The following UNC13A variants were observed in gnomAD, a reference collection of about 807,000 sequenced individuals.
UNC13A encodes the protein protein unc-13 homolog A.
Under a neutral mutation model 219.7 loss-of-function variants are expected in UNC13A, and 61 were observed. The observed-to-expected ratio is 0.28, with a 90% CI of 0.23 to 0.34. UNC13A has a LOEUF of 0.34. Ranked by LOEUF, UNC13A falls within the 10% of genes least tolerant of loss-of-function variation. The pLI, the probability that UNC13A is intolerant of heterozygous loss-of-function variation, is 1.00. For missense variants in UNC13A, 1,476 were observed against 2,270.3 expected (o/e 0.65, Z 7.11); for synonymous variants, 920 against 884.6 (o/e 1.04, Z -0.71).
At chr19:17,663,213 G>A (rs1025028708) in intron 8 of UNC13A, among the ~76,000 whole-genome samples, 31 of 151,954 alleles carry the variant, frequency 2.0e-4, no homozygotes, top group East Asian at 1.9e-4. Context: ...GTTATACGGC[G>A]GAGTGGGGTG....
chr19:17,626,250 A>G (rs2076782922), intron 34 of UNC13A: 1 of 168,882 alleles, frequency 5.9e-6, no homozygotes. Flanking sequence ...CTAAGCATCA[A>G]TCCATCTATG....
Position 17,606,265 on chromosome 19 carries a change from C to A in UNC13A, c.4901G>T (p.Gly1634Val). 1 of 1,547,788 alleles carries A rather than the reference C, an allele frequency of 6.5e-7. No homozygotes were observed. The highest frequency in any genetic ancestry group is 8.7e-7 in the Non-Finnish European group (1 of 1,146,414). ...YCFAREDRTVGLAVLQLRELA... is the reference protein window; with the variant it reads ...YCFAREDRTVVLAVLQLRELA... ...CTCACGCAGCTGCAGCACGGCCAGC[C>A]CCACCGTGCGGTCCTCGCGCGCGAA... Residue 1634 changes from glycine to valine, a missense_variant, in exon 44 of 44, where the codon GGG becomes GTG. Physicochemically the swap from Gly to Val is moderately radical, Grantham distance 109. Transcript: ENST00000519716.
intron 8 of UNC13A, among the ~76,000 whole-genome samples, chr19:17,661,100 G>A (rs1452914431): frequency 1.8e-5 from 2 of 109,048 alleles, no homozygotes; most frequent in East Asian, 2.0e-4. Context: ...CACCACACCC[G>A]GCCCTTTTTT....
intron 5 of UNC13A, 91 bp from the exon 6 acceptor site, chr19:17,668,281 G>C (rs1467460287): frequency 2.4e-5 from 31 of 1,268,430 alleles, no homozygotes; most frequent in Non-Finnish European, 3.2e-5. Context: ...CCCGGGCCCT[G>C]GCTTCTGGGG....
chr19:17,645,536 A>C, intron 19 of UNC13A, 138 bp downstream of exon 19: 1 of 1,276,070 alleles, frequency 7.8e-7, no homozygotes, highest in Non-Finnish European at 1.1e-6. Context: ...GGGCTCCTAG[A>C]CCCTGCCTCC....
chr19:17,623,263 G>A lies in UNC13A; in HGVS notation c.4203+279C>T, dbSNP rs572016744. 25 of 433,086 alleles carry A rather than the reference G, an allele frequency of 5.8e-5. 1 individual carries two copies. The highest frequency in any genetic ancestry group is 4.7e-4 in the African/African-American group (23 of 48,598). 26.8% of individuals were successfully genotyped at this position (433,086 alleles called of 1,614,324 possible). Reference sequence around the variant, plus strand: ...GATTCTACCCTTAGACGGCAGGTCCGCTGCGAAGGAGGAGCTGGGCTTGGG... The same window carrying A: ...GATTCTACCCTTAGACGGCAGGTCCACTGCGAAGGAGGAGCTGGGCTTGGG... On this transcript the variant is annotated intron_variant, in intron 36 of 43. Transcript: ENST00000519716.
At chr19:17,617,083 A>G (rs952729016) in intron 41 of UNC13A, among the ~76,000 whole-genome samples, 1 of 152,102 alleles carries the variant, frequency 6.6e-6, no homozygotes, top group African/African-American at 2.4e-5. Context: ...GGAGCTGTCA[A>G]TCATTCCTTA....
intron 41 of UNC13A, among the ~76,000 whole-genome samples, chr19:17,614,685 C>T (rs1466585327): frequency 6.6e-6 from 1 of 152,112 alleles, no homozygotes. Flanking sequence ...GGTTGGGGAG[C>T]ACAGGGGCCT....
At chr19:17,645,408 TC>T (rs1264380473) in intron 19 of UNC13A, among the ~76,000 whole-genome samples, 1 of 152,028 alleles carries the variant, frequency 6.6e-6, no homozygotes, top group Admixed American at 6.6e-5. Flanking sequence ...GCTTCTTGCC[TC>T]CCCCATTAGA....
rs1208953466 is a variant in UNC13A, at chr19:17,618,435, G to A, written c.4396C>T (p.Leu1466=). Residue 1466 remains leucine (L), a synonymous_variant, in exon 40 of 44, where the codon CTG becomes TTG. Coordinates refer to ENST00000519716, the MANE Select transcript of UNC13A (RefSeq NM_001080421.3). ...GGGCCTCTCACCTTGATGGTGTCCA[G>A]GGCCAACTCAACAACCGCGCACTGC... The part of the protein sequence containing the change: ...PKQCAVVELA[L]DTIKQYFHAG... 1 of 1,583,138 alleles carries A rather than the reference G, an allele frequency of 6.3e-7. No individual in the cohort carries two copies. The highest frequency in any genetic ancestry group is 1.8e-5 in the Admixed American group (1 of 54,820).
intron 19 of UNC13A, among the ~76,000 whole-genome samples, chr19:17,645,088 A>C (rs1323384923): frequency 7.0e-5 from 10 of 143,610 alleles, no homozygotes; most frequent in Non-Finnish European, 1.2e-4. Context: ...AGCTCACTGC[A>C]ACCTCCGCTT....
At chr19:17,619,844 CA>C (rs1316011559) in intron 38 of UNC13A, among the ~76,000 whole-genome samples, 2 of 152,204 alleles carry the variant, frequency 1.3e-5, no homozygotes, top group Middle Eastern at 3.2e-3. Flanking sequence ...ATGGCTCTGA[CA>C]AGCCAGATGG....
chr19:17,612,486 C>T (rs2076614627), intron 41 of UNC13A, among the ~76,000 whole-genome samples: 1 of 152,178 alleles, frequency 6.6e-6, no homozygotes, highest in Non-Finnish European at 1.5e-5. Context: ...TTGCAGTAGC[C>T]TCCTTGCTGG....
intron 41 of UNC13A, 44 bp downstream of exon 41, chr19:17,617,658 T>C (rs2076681356): frequency 6.2e-7 from 1 of 1,601,420 alleles, no homozygotes; most frequent in Non-Finnish European, 8.5e-7. Flanking sequence ...GGCGGGGCTG[T>C]CTCCGCGGAG....
chr19:17,639,227 G>C lies in UNC13A; in HGVS notation c.2947-10C>G, dbSNP rs1409345076. 4 of 1,613,788 alleles carry C rather than the reference G, an allele frequency of 2.5e-6. No homozygotes were observed. The highest frequency in any genetic ancestry group is 3.4e-6 in the Non-Finnish European group (4 of 1,179,816). On this transcript the variant is annotated splice_polypyrimidine_tract_variant and intron_variant, in intron 24 of 43. Transcript: ENST00000519716. The stretch of plus-strand genomic sequence containing the variant: ...TCTGGAGTTCTTGTACCTGAAGGGA[G>C]GGAGAGAGGCATAGGCGGCCACAGC...
At chr19:17,636,370 A>G (rs1172208268) in intron 25 of UNC13A, among the ~76,000 whole-genome samples, 1 of 152,144 alleles carries the variant, frequency 6.6e-6, no homozygotes, top group Non-Finnish European at 1.5e-5. Context: ...AGATTTTTAG[A>G]CTCCACTCTA....
intron 43 of UNC13A, among the ~76,000 whole-genome samples, chr19:17,608,342 A>G (rs1433747562): frequency 2.3e-5 from 3 of 132,886 alleles, no homozygotes; most frequent in African/African-American, 8.6e-5. Context: ...TACTATATAT[A>G]ATTTTATATA....
In UNC13A at chr19:17,636,145, C is replaced by T. The variant is rs1186328118; in HGVS notation, c.3094G>A (p.Glu1032Lys). Residue 1032 changes from glutamate (E) to lysine (K), a missense_variant, in exon 26 of 44, where the codon GAA becomes AAA. By Grantham distance (56) the Glu-to-Lys change is moderately conservative. This residue lies in a region of UNC13A where 24 missense variants were observed against 16.0 expected (regional missense o/e 1.50). Coordinates refer to ENST00000519716, the MANE Select transcript of UNC13A (RefSeq NM_001080421.3). The part of the protein sequence containing the change: ...EYQTDPAKKG[E>K]VLPEEQGPSI... The stretch of plus-strand genomic sequence containing the variant: ...GGCCCCTGTTCCTCTGGGAGAACTT[C>T]CCCCTTCTTGGCCTGAAATGGACAG... 1 of 1,597,866 alleles carries T rather than the reference C, an allele frequency of 6.3e-7. No homozygotes were observed. The highest frequency in any genetic ancestry group is 1.7e-5 in the Admixed American group (1 of 57,256).
chr19:17,681,668 A>G (rs1394793106), intron 1 of UNC13A, among the ~76,000 whole-genome samples: 1 of 152,232 alleles, frequency 6.6e-6, no homozygotes, highest in East Asian at 1.9e-4. Context: ...TGCTCATTAA[A>G]TAGTAATTCA....
Sources: gnomAD v4.1 joint callset for allele counts (sites outside exome capture counted in the v4.1 genomes callset) on GRCh38, gnomAD v4.1.1 for gene constraint, gnomAD v4.1.1 regional missense constraint, MANE v1.5 for transcripts, NCBI Gene and HGNC (gene_info 2026-07-23, HGNC 2026-07-21) for gene names.